The following MCCC2 variants were observed in gnomAD, a reference collection of about 807,000 sequenced individuals.
MCCC2 encodes the protein methylcrotonoyl-CoA carboxylase beta chain, mitochondrial.
MCCC2 carries 52 observed loss-of-function variants against 77.2 expected under a neutral mutation model. The observed-to-expected ratio is 0.67, with a 90% CI of 0.54 to 0.85. The LOEUF (loss-of-function observed/expected upper bound fraction) is 0.85, where lower values mean the gene tolerates loss of function less well. MCCC2 is among the 40% of genes least tolerant of loss of function. MCCC2 has a pLI of 0.00. For synonymous variants in MCCC2, 253 were observed against 248.4 expected, an observed-to-expected ratio of 1.02 and a Z score of -0.18; for missense variants, 682 against 703.2, an observed-to-expected ratio of 0.97 and a Z score of 0.34.
At chr5:71,651,903 C>T (rs1286814174) in intron 15 of MCCC2, among the ~76,000 whole-genome samples, 1 of 152,140 alleles carries the variant, frequency 6.6e-6, no homozygotes, top group Non-Finnish European at 1.5e-5. Flanking sequence ...TATACAGATA[C>T]TTGAATTCAT....
At chr5:71,633,962 C>T (rs1279439750) in intron 8 of MCCC2, among the ~76,000 whole-genome samples, 7 of 152,088 alleles carry the variant, frequency 4.6e-5, no homozygotes, top group Non-Finnish European at 7.4e-5. Context: ...AAAGAGTAAA[C>T]GTGGTCTCTG....
chr5:71,637,633 A>G (rs966888451), intron 10 of MCCC2, among the ~76,000 whole-genome samples: 3 of 152,254 alleles, frequency 2.0e-5, no homozygotes, highest in South Asian at 4.1e-4. Context: ...GAAGACAACA[A>G]TGAAGTCTGC....
intron 6 of MCCC2, among the ~76,000 whole-genome samples, chr5:71,615,370 C>G (rs1302544375): frequency 6.6e-6 from 1 of 152,212 alleles, no homozygotes; most frequent in Non-Finnish European, 1.5e-5. Flanking sequence ...CAGATTCCCA[C>G]TCTGCACAGC....
Position 71,626,860 on chromosome 5 carries a change from A to G in MCCC2, c.738+107A>G. On this transcript the variant is annotated intron_variant, in intron 7 of 16. Coordinates refer to ENST00000340941, the MANE Select transcript of MCCC2 (RefSeq NM_022132.5). ...TAAAAAATATTGTGATAAAATATGC[A>G]TAACATAAAACTTACTGTTGTAACC... The G allele has an allele frequency of 1.1e-5, 12 of 1,059,494 alleles. No individual in the cohort carries two copies. The South Asian group carries it at 1.6e-4, about 14-fold the overall frequency. 65.6% of individuals were successfully genotyped at this position (1,059,494 alleles called of 1,614,324 possible). A position where few individuals can be genotyped will look rare whatever the true frequency, so the allele number is the denominator to read the frequency against.
At chr5:71,656,027 C>T (rs1747568968) in intron 16 of MCCC2, among the ~76,000 whole-genome samples, 1 of 152,132 alleles carries the variant, frequency 6.6e-6, no homozygotes, top group African/African-American at 2.4e-5. Flanking sequence ...CTGGCCTGGC[C>T]AACATGGCGA....
chr5:71,641,449 A>G, intron 11 of MCCC2: 1 of 277,286 alleles, frequency 3.6e-6, no homozygotes, highest in Non-Finnish European at 6.9e-6. Context: ...TTTACTGTCC[A>G]ATTCAACGAG....
chr5:71,607,101 A>T (rs1417953683), intron 6 of MCCC2, among the ~76,000 whole-genome samples: 1 of 151,914 alleles, frequency 6.6e-6, no homozygotes, highest in Non-Finnish European at 1.5e-5. Flanking sequence ...AAAATGAGTT[A>T]GGGAGGATTC....
chr5:71,596,426 G>A (rs1396022608), intron 3 of MCCC2, 62 bp downstream of exon 3: 6 of 1,376,418 alleles, frequency 4.4e-6, no homozygotes, highest in Admixed American at 1.7e-5. Context: ...TTATTAGACA[G>A]TCTTGTAAAT....
In MCCC2 at chr5:71,598,378, T is replaced by A. The variant is rs190593776; in HGVS notation, c.282-1281T>A. Among the ~76,000 whole-genome samples, 448 of 151,748 alleles carry A rather than the reference T, an allele frequency of 3.0e-3. 3 individuals carry two copies. The highest frequency in any genetic ancestry group is 0.01 in the African/African-American group (422 of 41,418). On this transcript the variant is annotated intron_variant, in intron 3 of 16. Coordinates refer to ENST00000340941, the MANE Select transcript of MCCC2 (RefSeq NM_022132.5). ...GCCACCACACCAGCCGATAAGTGAG[T>A]GTTTCTAAAGCCTTTAGAAGAGAGC...
At chr5:71,642,983 AC>A (rs1412600072) in intron 11 of MCCC2, among the ~76,000 whole-genome samples, 1 of 151,738 alleles carries the variant, frequency 6.6e-6, no homozygotes, top group East Asian at 1.9e-4. Context: ...AGCCTGGGCG[AC>A]AGAAAAAGAC....
chr5:71,594,666 G>A (rs892453422), intron 2 of MCCC2, among the ~76,000 whole-genome samples: 18 of 151,946 alleles, frequency 1.2e-4, no homozygotes, highest in African/African-American at 3.4e-4. Flanking sequence ...GGACTGAGCC[G>A]GACTCCCTGG....
At chr5:71,622,332 A>C (rs905569018) in intron 6 of MCCC2, among the ~76,000 whole-genome samples, 5 of 152,020 alleles carry the variant, frequency 3.3e-5, no homozygotes, top group Non-Finnish European at 7.4e-5. Flanking sequence ...ATGTACCCCC[A>C]AAAATTAAAA....
intron 6 of MCCC2, among the ~76,000 whole-genome samples, chr5:71,622,276 A>AC (rs1481577059): frequency 2.0e-5 from 3 of 151,980 alleles, no homozygotes; most frequent in Admixed American, 1.3e-4. Flanking sequence ...CTACTAAAAA[A>AC]AAAACAAAAC....
intron 10 of MCCC2, 92 bp from the exon 11 acceptor site, chr5:71,640,911 C>A: frequency 9.0e-7 from 1 of 1,115,694 alleles, no homozygotes; most frequent in Non-Finnish European, 1.4e-6. Context: ...AAAGTGACAA[C>A]TTCACTGTGA....
chr5:71,641,624 T>A (rs1212372340), intron 11 of MCCC2, among the ~76,000 whole-genome samples: 1 of 152,238 alleles, frequency 6.6e-6, no homozygotes, highest in Admixed American at 6.5e-5. Flanking sequence ...GTTAATTTTT[T>A]AAATCTAAAC....
At chr5:71,601,936 T>C (rs1192295812) in intron 4 of MCCC2, among the ~76,000 whole-genome samples, 2 of 152,182 alleles carry the variant, frequency 1.3e-5, no homozygotes, top group African/African-American at 4.8e-5. Flanking sequence ...GTTTTTAGTA[T>C]ATTAAAGTTT....
chr5:71,594,540 A>G (rs1477815483), intron 2 of MCCC2, among the ~76,000 whole-genome samples: 11 of 151,234 alleles, frequency 7.3e-5, no homozygotes, highest in Admixed American at 2.6e-4. Context: ...AAAAAAAAAA[A>G]AAAGAGGTGG....
chr5:71,622,970 C>G (rs1456893435), intron 6 of MCCC2, among the ~76,000 whole-genome samples: 2 of 151,938 alleles, frequency 1.3e-5, no homozygotes, highest in Admixed American at 1.3e-4. Flanking sequence ...TGGGATGGCA[C>G]AGAAAGTTGT....
At position 71,646,266 on chromosome 5, in the gene MCCC2, A is replaced by G; in HGVS notation, c.1205A>G (p.Gln402Arg). The change falls in exon 13 of 17, where the codon CAA (glutamine) becomes CGA (arginine). Residue 402 changes from glutamine to arginine, a missense_variant. Physicochemically the swap from Gln to Arg is conservative, Grantham distance 43 (BLOSUM62 1). Coordinates refer to ENST00000340941, the MANE Select transcript of MCCC2 (RefSeq NM_022132.5). ...AGAAATATTCCTCTGCTGTTCCTTC[A>G]AAACATTACTGGTAAGAAAATAGCT... ...CQRNIPLLFL[Q>R]NITGFMVGRE... The G allele has an allele frequency of 1.2e-6, 2 of 1,613,742 alleles. No homozygotes were observed. Among genetic ancestry groups the G allele is most frequent in the Non-Finnish European group, 1.7e-6 (2 of 1,179,764 alleles).
Sources: gnomAD v4.1 joint callset for allele counts (sites outside exome capture counted in the v4.1 genomes callset) on GRCh38, gnomAD v4.1.1 for gene constraint, MANE v1.5 for transcripts, NCBI Gene and HGNC (gene_info 2026-07-23, HGNC 2026-07-21) for gene names.